Variants in CENPW observed in about 807,000 individuals in gnomAD.
CENPW encodes centromere protein W.
In CENPW, 3 loss-of-function variants were observed where a neutral mutation model predicts 11.1. That is an observed-to-expected ratio of 0.27 (90% CI 0.12 to 0.70). The LOEUF (loss-of-function observed/expected upper bound fraction) is 0.70. Among genes scored for constraint, CENPW ranks in the 30% least tolerant of loss-of-function variants. The pLI, the probability that CENPW is intolerant of heterozygous loss-of-function variation, is 0.77. For synonymous variants in CENPW, 38 were observed against 42.0 expected (o/e 0.91, Z 0.37); for missense variants, 100 against 105.6 (o/e 0.95, Z 0.23).
At chr6:126,377,655 ATATTT>A in the CENPW span, among the ~76,000 whole-genome samples, 6 of 150,248 alleles carry the variant, frequency 4.0e-5, no homozygotes, top group African/African-American at 1.5e-4. Context: ...TTTAAGAAAT[ATATTT>A]TAAATTCATC....
the CENPW span, among the ~76,000 whole-genome samples, chr6:126,404,969 T>A: frequency 7.2e-5 from 11 of 151,988 alleles, no homozygotes; most frequent in Admixed American, 2.6e-4. Flanking sequence ...TTTCACTCTA[T>A]GGACTGTTTC....
At chr6:126,422,217 C>A in the CENPW span, among the ~76,000 whole-genome samples, 2 of 152,208 alleles carry the variant, frequency 1.3e-5, no homozygotes, top group East Asian at 1.9e-4. Context: ...GCCACAGCAT[C>A]ATTACAAATT....
the CENPW span, among the ~76,000 whole-genome samples, chr6:126,384,329 T>G: frequency 1.3e-5 from 2 of 152,060 alleles, no homozygotes; most frequent in Non-Finnish European, 1.5e-5. Context: ...AAGGCCATCA[T>G]AAGCAAAGAT....
the CENPW span, among the ~76,000 whole-genome samples, chr6:126,416,814 G>C: frequency 6.6e-6 from 1 of 152,236 alleles, no homozygotes; most frequent in Non-Finnish European, 1.5e-5. Context: ...CCAGGCAGAA[G>C]TTTGCTGCAG....
the CENPW span, among the ~76,000 whole-genome samples, chr6:126,458,129 C>A: frequency 1.3e-5 from 2 of 151,300 alleles, no homozygotes; most frequent in Non-Finnish European, 3.0e-5. Flanking sequence ...TTTTGGCTTT[C>A]TTTCGCTTGT....
chr6:126,346,426 C>A, intron 2 of CENPW, 108 bp downstream of exon 2: 2 of 520,744 alleles, frequency 3.8e-6, no homozygotes, highest in South Asian at 3.9e-5. Context: ...TTGATTGAGT[C>A]GATATTTGGC....
the CENPW span, among the ~76,000 whole-genome samples, chr6:126,383,984 T>C: frequency 6.6e-6 from 1 of 152,106 alleles, no homozygotes; most frequent in African/African-American, 2.4e-5. Flanking sequence ...ACTCTGAAAT[T>C]GATCACACAA....
chr6:126,462,780 TG>T, the CENPW span, among the ~76,000 whole-genome samples: 1 of 151,956 alleles, frequency 6.6e-6, no homozygotes, highest in Non-Finnish European at 1.5e-5. Flanking sequence ...CTGTAACTGA[TG>T]TAATGAGCTC....
the CENPW span, among the ~76,000 whole-genome samples, chr6:126,375,346 T>G: frequency 6.6e-6 from 1 of 152,196 alleles, no homozygotes; most frequent in South Asian, 2.1e-4. Flanking sequence ...GGAAGGCATT[T>G]GAATGTTCTG....
At chr6:126,418,185 G>A in the CENPW span, among the ~76,000 whole-genome samples, 3 of 152,172 alleles carry the variant, frequency 2.0e-5, no homozygotes, top group African/African-American at 4.8e-5. Flanking sequence ...GCAGTAGTCT[G>A]GCATTCTCTG....
the CENPW span, among the ~76,000 whole-genome samples, chr6:126,466,389 A>G: frequency 6.6e-6 from 1 of 152,130 alleles, no homozygotes; most frequent in African/African-American, 2.4e-5. Context: ...TATGGGTTAC[A>G]CTTCTGATAC....
chr6:126,425,983 A>C, the CENPW span, among the ~76,000 whole-genome samples: 1 of 152,070 alleles, frequency 6.6e-6, no homozygotes, highest in African/African-American at 2.4e-5. Flanking sequence ...AGACTAAAGG[A>C]GTGCCACCCA....
At chr6:126,439,367 G>T in the CENPW span, among the ~76,000 whole-genome samples, 1 of 151,614 alleles carries the variant, frequency 6.6e-6, no homozygotes, top group African/African-American at 2.4e-5. Flanking sequence ...TTGCTTGTCA[G>T]ATCCTTCTGG....
chr6:126,478,278 C>T, the CENPW span, among the ~76,000 whole-genome samples: 1 of 151,890 alleles, frequency 6.6e-6, no homozygotes, highest in African/African-American at 2.4e-5. Context: ...TTGGTGTTTT[C>T]TTTGAGATTT....
the CENPW span, among the ~76,000 whole-genome samples, chr6:126,402,204 T>C: frequency 4.0e-5 from 6 of 151,890 alleles, no homozygotes; most frequent in African/African-American, 1.4e-4. Flanking sequence ...TTCCAGCAAA[T>C]ATTCCCATCC....
chr6:126,356,192 A>G, the CENPW span, among the ~76,000 whole-genome samples: 1 of 152,202 alleles, frequency 6.6e-6, no homozygotes, highest in Admixed American at 6.5e-5. Flanking sequence ...CATGGATAAT[A>G]TCCTACTATT....
chr6:126,425,101 T>A, the CENPW span, among the ~76,000 whole-genome samples: 1 of 152,150 alleles, frequency 6.6e-6, no homozygotes, highest in African/African-American at 2.4e-5. Context: ...GGCTTATAGA[T>A]ATTTTATAGT....
the CENPW span, among the ~76,000 whole-genome samples, chr6:126,437,938 G>T: frequency 6.6e-6 from 1 of 151,600 alleles, no homozygotes; most frequent in African/African-American, 2.4e-5. Flanking sequence ...TATAGACTCC[G>T]TAAATAAAAT....
chr6:126,349,587 C>T (rs149331523), downstream of CENPW, among the ~76,000 whole-genome samples: 3 of 152,174 alleles, frequency 2.0e-5, no homozygotes, highest in Admixed American at 6.6e-5. Context: ...TTTTTTCACT[C>T]AGTATATTGT....
Sources: allele counts gnomAD v4.1 joint callset (sites outside exome capture counted in the v4.1 genomes callset), GRCh38; gene constraint gnomAD v4.1.1; transcripts MANE v1.5; gene names NCBI Gene and HGNC (gene_info 2026-07-23, HGNC 2026-07-21).